The following MYRFL variants were observed in gnomAD, a reference collection of about 807,000 sequenced individuals.
The protein encoded by MYRFL is myelin regulatory factor-like protein.
A neutral mutation model predicts 109.4 loss-of-function variants in MYRFL; 88 were observed. The observed-to-expected ratio is 0.80, with a 90% CI of 0.68 to 0.96. The LOEUF is 0.96. Among genes scored for constraint, MYRFL ranks in the 40% least tolerant of loss-of-function variants. The pLI, the probability that MYRFL is intolerant of heterozygous loss-of-function variation, is 0.00. For synonymous variants in MYRFL, 324 were observed against 320.9 expected, an observed-to-expected ratio of 1.01 and a Z score of -0.10; for missense variants, 957 against 954.9, an observed-to-expected ratio of 1.00 and a Z score of -0.03.
intron 19 of MYRFL, among the ~76,000 whole-genome samples, chr12:69,951,307 A>G (rs914007306): frequency 6.6e-6 from 1 of 151,206 alleles, no homozygotes; most frequent in Non-Finnish European, 1.5e-5. Context: ...AGCAGGTCTG[A>G]TTTCTTCTGA....
At chr12:69,936,368 G>C in intron 18 of MYRFL, 33 bp downstream of exon 18, 2 of 1,533,508 alleles carry the variant, frequency 1.3e-6, no homozygotes, top group Non-Finnish European at 1.7e-6. Flanking sequence ...CCTCAAACCC[G>C]GTTTCAAGTG....
intron 1 of MYRFL, among the ~76,000 whole-genome samples, chr12:69,844,285 T>C (rs1176313270): frequency 6.6e-6 from 1 of 152,178 alleles, no homozygotes; most frequent in Non-Finnish European, 1.5e-5. Flanking sequence ...CTCCTATTTC[T>C]ACCTGGGGGA....
intron 13 of MYRFL, among the ~76,000 whole-genome samples, chr12:69,917,623 G>A (rs1372681925): frequency 6.6e-6 from 1 of 151,940 alleles, no homozygotes. Context: ...TTATCACATT[G>A]TATTGCCATT....
intron 5 of MYRFL, among the ~76,000 whole-genome samples, chr12:69,883,881 GA>G (rs1015081372): frequency 4.0e-5 from 6 of 148,584 alleles, no homozygotes; most frequent in South Asian, 4.3e-4. Flanking sequence ...GTCTAAAAAA[GA>G]AAAAAAAAGA....
chr12:69,854,524 C>T (rs1029151086), intron 1 of MYRFL, among the ~76,000 whole-genome samples: 4 of 152,136 alleles, frequency 2.6e-5, no homozygotes, highest in Non-Finnish European at 5.9e-5. Context: ...GCTGGGACTA[C>T]AGGCACATGC....
At chr12:69,838,448 C>T (rs1302911780) in intron 1 of MYRFL, among the ~76,000 whole-genome samples, 2 of 152,104 alleles carry the variant, frequency 1.3e-5, no homozygotes, top group East Asian at 3.8e-4. Context: ...ATAATTCTTC[C>T]AAACTTTGGT....
chr12:69,891,560 A>ACTTTCTTTCTTTCTTTCTTTCTTT (rs1428620787), intron 7 of MYRFL, among the ~76,000 whole-genome samples: 1 of 60,258 alleles, frequency 1.7e-5, no homozygotes, highest in Non-Finnish European at 3.9e-5. Context: ...GAAAGGTGTC[A>ACTTTCTTTCTTTCTTTCTTTCTTT]ATTTCTTTCT....
At chr12:69,877,803 C>A (rs1435404041) in intron 2 of MYRFL, among the ~76,000 whole-genome samples, 2 of 152,204 alleles carry the variant, frequency 1.3e-5, no homozygotes, top group Non-Finnish European at 1.5e-5. Flanking sequence ...CTTGAAGCTT[C>A]CTCTTCAAGC....
chr12:69,880,289 C>T lies in MYRFL; in HGVS notation c.553C>T (p.Pro185Ser), dbSNP rs1462896723. The T allele has an allele frequency of 1.4e-6, 1 of 702,406 alleles. No individual in the cohort carries two copies. Among genetic ancestry groups the T allele is most frequent in the Non-Finnish European group, 2.6e-6 (1 of 384,714 alleles). 43.5% of individuals were successfully genotyped at this position (702,406 alleles called of 1,614,324 possible). Residue 185 changes from proline (P) to serine (S), a missense_variant, in exon 5 of 25, where the codon CCG becomes TCG. Transcript: ENST00000552032. Reference sequence around the variant, plus strand: ...CCGAGTGTGGGCCTGCCACTGCAGACCGAGTGAGCAAACCTGGGTGGGAAC... The same window carrying T: ...CCGAGTGTGGGCCTGCCACTGCAGATCGAGTGAGCAAACCTGGGTGGGAAC... ...ECRVWACHCR[P>S]MTSRSRSSEV...
At chr12:69,898,660 C>T (rs1954083372) in intron 10 of MYRFL, among the ~76,000 whole-genome samples, 1 of 152,212 alleles carries the variant, frequency 6.6e-6, no homozygotes, top group South Asian at 2.1e-4. Flanking sequence ...CAGATAATGC[C>T]ATTCTTTTCA....
Position 69,958,014 on chromosome 12 carries a change from C to G in MYRFL, c.2571+72C>G, listed in dbSNP as rs913183204. 3.4e-6 allele frequency: 5 copies of G among 1,484,410 alleles called. No individual in the cohort carries two copies. In the African/African-American group the frequency reaches 7.0e-5, roughly 21 times the overall value. 92.0% of individuals were successfully genotyped at this position (1,484,410 alleles called of 1,614,324 possible). ...TGAGCAAATTGCCAGTGTTTTCCCT[C>G]CCTGGCCAACCCTAGTCACAGGGCT... On this transcript the variant is annotated intron_variant, in intron 23 of 24. Transcript: ENST00000552032.
intron 2 of MYRFL, among the ~76,000 whole-genome samples, chr12:69,875,687 T>A (rs1417424505): frequency 6.6e-6 from 1 of 152,166 alleles, no homozygotes; most frequent in African/African-American, 2.4e-5. Flanking sequence ...TGTTGTGAAC[T>A]GCACAGGCGA....
intron 23 of MYRFL, 87 bp from the exon 24 acceptor site, chr12:69,958,162 T>C: frequency 1.6e-6 from 2 of 1,254,956 alleles, no homozygotes; most frequent in South Asian, 2.7e-5. Flanking sequence ...CCTACAGTCA[T>C]TGAGGAAATG....
At chr12:69,925,212 T>C (rs769980772) in intron 13 of MYRFL, among the ~76,000 whole-genome samples, 2 of 152,156 alleles carry the variant, frequency 1.3e-5, no homozygotes, top group Non-Finnish European at 2.9e-5. Flanking sequence ...ATTATGGGAA[T>C]GAGGTCTCAG....
At chr12:69,938,343 G>C (rs1321456940) in intron 19 of MYRFL, among the ~76,000 whole-genome samples, 1 of 152,180 alleles carries the variant, frequency 6.6e-6, no homozygotes, top group East Asian at 1.9e-4. Context: ...TCACCTATGA[G>C]AGATGTACTA....
chr12:69,845,296 C>T (rs767120178), intron 1 of MYRFL, among the ~76,000 whole-genome samples: 1 of 152,170 alleles, frequency 6.6e-6, no homozygotes, highest in African/African-American at 2.4e-5. Flanking sequence ...GCTGGGTCCC[C>T]AGAACTTTGT....
chr12:69,895,302 T>C lies in MYRFL; in HGVS notation c.981-69T>C. 5.3e-6 allele frequency: 6 copies of C among 1,138,264 alleles called. No individual in the cohort carries two copies. The South Asian group carries it at 8.5e-5, about 16-fold the overall frequency. 70.5% of individuals were successfully genotyped at this position (1,138,264 alleles called of 1,614,324 possible). ...GCATAGATGAGAGTCTGAAAGTGGA[T>C]TAGATATGATCAGAGATTTGGTGTT... On this transcript the variant is annotated intron_variant, in intron 8 of 24. Transcript: ENST00000552032.
intron 1 of MYRFL, among the ~76,000 whole-genome samples, chr12:69,850,996 T>C (rs1380217552): frequency 6.6e-6 from 1 of 152,202 alleles, no homozygotes; most frequent in African/African-American, 2.4e-5. Context: ...CACTTTTTTC[T>C]CTTGAGACAT....
intron 5 of MYRFL, among the ~76,000 whole-genome samples, chr12:69,881,460 C>T (rs773016224): frequency 3.0e-4 from 45 of 152,244 alleles, no homozygotes; most frequent in Non-Finnish European, 5.6e-4. Flanking sequence ...AGGAGATGTG[C>T]GTGGCTTCAC....
Sources: allele counts gnomAD v4.1 joint callset (sites outside exome capture counted in the v4.1 genomes callset), GRCh38; gene constraint gnomAD v4.1.1; transcripts MANE v1.5; gene names NCBI Gene and HGNC (gene_info 2026-07-23, HGNC 2026-07-21).